PMM2: variants seen among roughly 807,000 people sequenced by gnomAD.
PMM2 encodes the protein phosphomannomutase 2, also known as mannose-6-phosphate isomerase.
A neutral mutation model predicts 33.2 loss-of-function variants in PMM2; 35 were observed. The observed-to-expected ratio is 1.06, with a 90% CI of 0.81 to 1.40. The LOEUF is 1.40. Ranked by LOEUF, PMM2 falls within the 40% of genes most tolerant of loss-of-function variation. The pLI, the probability that PMM2 is intolerant of heterozygous loss-of-function variation, is 0.00. For missense variants in PMM2, 386 were observed against 306.0 expected, an observed-to-expected ratio of 1.26 and a Z score of -1.95; for synonymous variants, 153 against 114.7, an observed-to-expected ratio of 1.33 and a Z score of -2.13.
rs2060941403 is a variant in PMM2, at chr16:8,848,174, A to T, written c.*349A>T. ...ATACAGAAAGAAAAACTGTGCCTGG[A>T]CCCTCCCTCTTGGTGGGTCTGTGGA... On this transcript the variant is annotated 3_prime_UTR_variant, in exon 8 of 8. Transcript: ENST00000268261. 3.9e-6 allele frequency: 1 copy of T among 258,734 alleles called. No homozygotes were observed. The highest frequency in any genetic ancestry group is 7.6e-6 in the Non-Finnish European group (1 of 131,038). 16.0% of individuals were successfully genotyped at this position (258,734 alleles called of 1,614,324 possible).
At chr16:8,823,267 GGTA>G (rs1393383419) in intron 7 of PMM2, among the ~76,000 whole-genome samples, 2 of 152,034 alleles carry the variant, frequency 1.3e-5, no homozygotes, top group Non-Finnish European at 2.9e-5. Flanking sequence ...TCAGGAAAAA[GGTA>G]GTAGCAATTT....
At chr16:8,844,385 T>C (rs1183299609) in intron 7 of PMM2, among the ~76,000 whole-genome samples, 3 of 150,828 alleles carry the variant, frequency 2.0e-5, no homozygotes, top group Non-Finnish European at 4.4e-5. Flanking sequence ...GGTTGGGGCA[T>C]GGAAATAAGG....
intron 7 of PMM2, among the ~76,000 whole-genome samples, chr16:8,840,968 T>C (rs1054136958): frequency 6.6e-6 from 1 of 151,950 alleles, no homozygotes; most frequent in Non-Finnish European, 1.5e-5. Flanking sequence ...GTGTCTGGGA[T>C]GAGGTTGGGG....
At chr16:8,839,614 A>G (rs1020980737) in intron 7 of PMM2, among the ~76,000 whole-genome samples, 7 of 152,006 alleles carry the variant, frequency 4.6e-5, no homozygotes, top group African/African-American at 1.7e-4. Context: ...ATACAGGGCA[A>G]GTGTCTTCCT....
At chr16:8,831,491 C>T (rs1261792906) in intron 7 of PMM2, among the ~76,000 whole-genome samples, 5 of 152,130 alleles carry the variant, frequency 3.3e-5, no homozygotes, top group Non-Finnish European at 5.9e-5. Flanking sequence ...AAGACATGGT[C>T]GCACCAGTGC....
At chr16:8,820,261 ACCCAGATCTGGC>A (rs934012365) in intron 7 of PMM2, among the ~76,000 whole-genome samples, 1 of 151,872 alleles carries the variant, frequency 6.6e-6, no homozygotes, top group Non-Finnish European at 1.5e-5. Flanking sequence ...GACCATGTTG[ACCCAGATCTGGC>A]CCCACCATTC....
chr16:8,847,834 C>G lies in PMM2; in HGVS notation c.*9C>G, dbSNP rs376855925. The G allele has an allele frequency of 1.0e-5, 16 of 1,597,624 alleles. No individual in the cohort carries two copies. The South Asian group carries it at 1.8e-4, about 18-fold the overall frequency. ...AACTGCTGTTCTCCTAACGTGGGAG[C>G]GGGAGGGGCGGGGTCCCGGCTGACA... On this transcript the variant is annotated 3_prime_UTR_variant, in exon 8 of 8. Coordinates refer to ENST00000268261, the MANE Select transcript of PMM2 (RefSeq NM_000303.3).
In PMM2 at chr16:8,827,544, C is replaced by T. The variant is rs542155468; in HGVS notation, c.639+14438C>T. ...CCGAGTAGCTGGGACCACAGGCACA[C>T]GCCACCAGGCCTGGCTAATTTTTGT... On this transcript the variant is annotated intron_variant, in intron 7 of 7. Coordinates refer to ENST00000268261, the MANE Select transcript of PMM2 (RefSeq NM_000303.3). Among the ~76,000 whole-genome samples the T allele has an allele frequency of 4.4e-3, 663 of 149,326 alleles. 7 individuals carry two copies. Among genetic ancestry groups the T allele is most frequent in the African/African-American group, 0.016 (636 of 40,732 alleles).
At chr16:8,827,864 ATTATATATATGTTATATAATATATGAT>A (rs2060784081) in intron 7 of PMM2, among the ~76,000 whole-genome samples, 5 of 90,952 alleles carry the variant, frequency 5.5e-5, no homozygotes, top group Non-Finnish European at 1.2e-4. Flanking sequence ...TATGTTATAT[ATTATATATATGTTATATAATATATGAT>A]ATATATGATA....
At chr16:8,827,823 ATATT>A (rs2060782503) in intron 7 of PMM2, among the ~76,000 whole-genome samples, 1 of 100,774 alleles carries the variant, frequency 9.9e-6, no homozygotes, top group African/African-American at 3.6e-5. Flanking sequence ...TATATAATAT[ATATT>A]ATATATATTG....
At chr16:8,812,698 T>C (rs1278458733) in intron 6 of PMM2, among the ~76,000 whole-genome samples, 1 of 152,238 alleles carries the variant, frequency 6.6e-6, no homozygotes, top group African/African-American at 2.4e-5. Context: ...TTCATAAGCA[T>C]GCTTCCTTTA....
At chr16:8,843,924 G>A (rs1468798100) in intron 7 of PMM2, among the ~76,000 whole-genome samples, 2 of 152,206 alleles carry the variant, frequency 1.3e-5, no homozygotes, top group South Asian at 2.1e-4. Flanking sequence ...ACTCAGCAAC[G>A]CTTGGGGTTG....
rs796864874 is a variant in PMM2 at position 8,841,327 on chromosome 16, G to A, written c.640-6397G>A. ...CTGACAGAAGGGAAGAAATGACTGCGGTGGCCTTCTCAGACCCTGTAGGAA... is the reference window on the plus strand; with the variant it reads ...CTGACAGAAGGGAAGAAATGACTGCAGTGGCCTTCTCAGACCCTGTAGGAA... On this transcript the variant is annotated intron_variant, in intron 7 of 7. Coordinates refer to ENST00000268261, the MANE Select transcript of PMM2 (RefSeq NM_000303.3). Among the ~76,000 whole-genome samples, 17 of 151,314 alleles carry A rather than the reference G, an allele frequency of 1.1e-4. No homozygotes were observed. In the South Asian group the frequency reaches 1.7e-3, roughly 15 times the overall value.
intron 7 of PMM2, among the ~76,000 whole-genome samples, chr16:8,819,156 C>T (rs558851392): frequency 3.3e-5 from 5 of 152,330 alleles, no homozygotes; most frequent in South Asian, 4.1e-4. Context: ...GAAAGACTCA[C>T]GCAGAGGGTT....
intron 7 of PMM2, among the ~76,000 whole-genome samples, chr16:8,821,172 T>G (rs963779257): frequency 6.6e-6 from 1 of 152,172 alleles, no homozygotes; most frequent in African/African-American, 2.4e-5. Flanking sequence ...TCTTAACATG[T>G]GAGTCCCTCA....
intron 7 of PMM2, among the ~76,000 whole-genome samples, chr16:8,834,659 G>T (rs564321981): frequency 6.6e-6 from 1 of 152,000 alleles, no homozygotes; most frequent in Admixed American, 6.6e-5. Flanking sequence ...TTATTTCCTT[G>T]AGGATAGATT....
chr16:8,801,088 C>T (rs1444857643), intron 1 of PMM2, among the ~76,000 whole-genome samples: 1 of 152,192 alleles, frequency 6.6e-6, no homozygotes, highest in African/African-American at 2.4e-5. Context: ...TGAGCTAGAT[C>T]TGTGTTGGCA....
At chr16:8,818,278 G>A (rs989587531) in intron 7 of PMM2, among the ~76,000 whole-genome samples, 2 of 152,208 alleles carry the variant, frequency 1.3e-5, no homozygotes. Context: ...GAGGCACGTT[G>A]GGTGGTTTAA....
intron 7 of PMM2, among the ~76,000 whole-genome samples, chr16:8,830,429 T>C (rs921285508): frequency 6.6e-6 from 1 of 152,180 alleles, no homozygotes; most frequent in African/African-American, 2.4e-5. Flanking sequence ...TCCAAGAATT[T>C]GGGGATTTGA....
Sources: gnomAD v4.1 joint callset for allele counts (sites outside exome capture counted in the v4.1 genomes callset) on GRCh38, gnomAD v4.1.1 for gene constraint, MANE v1.5 for transcripts, NCBI Gene and HGNC (gene_info 2026-07-23, HGNC 2026-07-21) for gene names.